LOC128706666: variants seen among roughly 807,000 people sequenced by gnomAD.
At chr20:10,432,447 C>T in the LOC128706666 span, among the ~76,000 whole-genome samples, 29 of 152,128 alleles carry the variant, frequency 1.9e-4, no homozygotes, top group African/African-American at 7.0e-4. Context: ...GGGATTGCAT[C>T]CAGGACCCAT....
the LOC128706666 span, among the ~76,000 whole-genome samples, chr20:10,432,422 C>A: frequency 2.3e-4 from 35 of 152,300 alleles, no homozygotes; most frequent in African/African-American, 8.2e-4. Context: ...TGTGCAATCA[C>A]CCCTCAGTAT....
the LOC128706666 span, among the ~76,000 whole-genome samples, chr20:10,428,254 G>T: frequency 3.9e-4 from 59 of 152,224 alleles, 1 homozygote; most frequent in Admixed American, 3.9e-3. Flanking sequence ...GCTGCCATTT[G>T]ATGCTGGTGA....
the LOC128706666 span, among the ~76,000 whole-genome samples, chr20:10,427,577 AT>A: frequency 3.0e-4 from 45 of 152,286 alleles, no homozygotes; most frequent in Non-Finnish European, 5.4e-4. Flanking sequence ...TTCAAAAGTT[AT>A]TTTTTATCCT....
At chr20:10,419,069 T>C in the LOC128706666 span, among the ~76,000 whole-genome samples, 25 of 152,120 alleles carry the variant, frequency 1.6e-4, no homozygotes, top group Non-Finnish European at 1.9e-4. Context: ...TGATTTAAAA[T>C]ATTGTTGAAA....
chr20:10,433,869 G>T, the LOC128706666 span, among the ~76,000 whole-genome samples: 1 of 152,172 alleles, frequency 6.6e-6, no homozygotes, highest in Non-Finnish European at 1.5e-5. Flanking sequence ...CCGGCGGGAA[G>T]ACCTCCTCGC....
the LOC128706666 span, among the ~76,000 whole-genome samples, chr20:10,423,629 A>G: frequency 1.4e-4 from 21 of 152,296 alleles, no homozygotes; most frequent in African/African-American, 4.8e-4. Flanking sequence ...AGAAGAGTGA[A>G]AATTATATAG....
At chr20:10,426,775 G>T in the LOC128706666 span, among the ~76,000 whole-genome samples, 1 of 152,158 alleles carries the variant, frequency 6.6e-6, no homozygotes, top group Non-Finnish European at 1.5e-5. Flanking sequence ...AAATTAGAGG[G>T]CATCTTACAG....
the LOC128706666 span, among the ~76,000 whole-genome samples, chr20:10,422,795 TC>T: frequency 8.6e-5 from 13 of 151,554 alleles, no homozygotes; most frequent in Non-Finnish European, 1.9e-4. Context: ...CACTGCAAGC[TC>T]CGCCTCCCAG....
At chr20:10,425,071 G>C in the LOC128706666 span, among the ~76,000 whole-genome samples, 1 of 149,636 alleles carries the variant, frequency 6.7e-6, no homozygotes, top group Non-Finnish European at 1.5e-5. Flanking sequence ...AAAAAAGAAA[G>C]AAAGAAAATT....
chr20:10,418,301 AT>A, the LOC128706666 span, among the ~76,000 whole-genome samples: 4 of 152,222 alleles, frequency 2.6e-5, no homozygotes, highest in Non-Finnish European at 4.4e-5. Flanking sequence ...GCCCTTAACT[AT>A]TAAAGCTGGT....
the LOC128706666 span, among the ~76,000 whole-genome samples, chr20:10,414,797 A>G: frequency 6.6e-6 from 1 of 152,170 alleles, no homozygotes; most frequent in Admixed American, 6.5e-5. Flanking sequence ...TCTGCACAAC[A>G]CATTGTACCA....
the LOC128706666 span, among the ~76,000 whole-genome samples, chr20:10,421,711 C>A: frequency 7.2e-5 from 11 of 152,066 alleles, no homozygotes; most frequent in East Asian, 1.9e-3. Context: ...GGGTTATCGA[C>A]CTAGTTTAGA....
At chr20:10,423,344 C>T in the LOC128706666 span, among the ~76,000 whole-genome samples, 2 of 152,154 alleles carry the variant, frequency 1.3e-5, no homozygotes, top group South Asian at 2.1e-4. Flanking sequence ...TCGCTTGGAC[C>T]TTGGGAGGCT....
At chr20:10,425,032 A>T in the LOC128706666 span, among the ~76,000 whole-genome samples, 2 of 151,276 alleles carry the variant, frequency 1.3e-5, no homozygotes, top group African/African-American at 4.9e-5. Context: ...CCACCTAGGC[A>T]ACAAGAGCTA....
chr20:10,417,354 T>C, the LOC128706666 span, among the ~76,000 whole-genome samples: 1 of 152,188 alleles, frequency 6.6e-6, no homozygotes, highest in Non-Finnish European at 1.5e-5. Context: ...CTCTTGCCTG[T>C]AATCCCATCA....
chr20:10,421,779 T>C, the LOC128706666 span, among the ~76,000 whole-genome samples: 1 of 150,872 alleles, frequency 6.6e-6, no homozygotes, highest in Middle Eastern at 3.4e-3. Flanking sequence ...GCTTTTAAAA[T>C]ATATATATAT....
chr20:10,421,427 A>G, the LOC128706666 span, among the ~76,000 whole-genome samples: 5 of 152,046 alleles, frequency 3.3e-5, no homozygotes, highest in African/African-American at 1.2e-4. Context: ...AAAAAAAAAA[A>G]AAAAAAAATT....
the LOC128706666 span, among the ~76,000 whole-genome samples, chr20:10,429,704 A>G: frequency 2.6e-5 from 4 of 152,140 alleles, no homozygotes; most frequent in Non-Finnish European, 4.4e-5. Context: ...GCCATTTGAC[A>G]TAAGTGTTTC....
chr20:10,427,992 T>C, the LOC128706666 span, among the ~76,000 whole-genome samples: 1 of 152,384 alleles, frequency 6.6e-6, no homozygotes, highest in Non-Finnish European at 1.5e-5. Context: ...AAGTATCTTA[T>C]GTCTTTTGCT....
Sources: gnomAD v4.1 joint callset for allele counts (sites outside exome capture counted in the v4.1 genomes callset) on GRCh38, gnomAD v4.1.1 for gene constraint, MANE v1.5 for transcripts.